The following NDST4 variants were observed in gnomAD, a reference collection of about 807,000 sequenced individuals.
The protein encoded by NDST4 is N-deacetylase and N-sulfotransferase 4, also known as N-heparan sulfate sulfotransferase 4.
A neutral mutation model predicts 100.8 loss-of-function variants in NDST4; 63 were observed. The ratio of observed to expected loss-of-function variants is 0.62; its 90% CI spans 0.51 to 0.77. The LOEUF (loss-of-function observed/expected upper bound fraction) is 0.77. Ranked by LOEUF, NDST4 falls within the 30% of genes least tolerant of loss-of-function variation. The pLI is 0.00. For missense variants in NDST4, 943 were observed against 1,018.4 expected (o/e 0.93, Z 1.01); for synonymous variants, 377 against 361.8 (o/e 1.04, Z -0.48).
rs374197902 is a variant in NDST4 at position 114,970,546 on chromosome 4, G to T, written c.1105C>A (p.Arg369=). ...AACCACCAGAACTCATCCACAGACC[G>T]AAGTAAAAGGTCATCTCCTTCATCT... is the stretch of plus-strand genomic sequence containing the variant. The part of the protein sequence containing the change: ...EEDEGDDLLL[R]SVDEFWWFPH... The change falls in exon 4 of 14, where the codon CGG becomes AGG. Residue 369 remains arginine, a synonymous_variant. Coordinates refer to ENST00000264363, the MANE Select transcript of NDST4 (RefSeq NM_022569.3). 1 of 1,613,826 alleles carries T rather than the reference G, an allele frequency of 6.2e-7. No individual in the cohort carries two copies. Among genetic ancestry groups the T allele is most frequent in the African/African-American group, 1.3e-5 (1 of 75,052 alleles).
At chr4:115,107,253 T>C (rs535558066) in intron 1 of NDST4, among the ~76,000 whole-genome samples, 2 of 152,254 alleles carry the variant, frequency 1.3e-5, no homozygotes, top group South Asian at 4.1e-4. Context: ...TTTACACACA[T>C]AATACTTCTT....
intron 4 of NDST4, among the ~76,000 whole-genome samples, chr4:114,966,770 G>A (rs1217272935): frequency 4.6e-5 from 7 of 152,034 alleles, no homozygotes; most frequent in Admixed American, 4.6e-4. Context: ...TTCCAAATTT[G>A]TGGACCGATG....
intron 6 of NDST4, among the ~76,000 whole-genome samples, chr4:114,934,622 T>C (rs923939093): frequency 6.8e-6 from 1 of 146,026 alleles, no homozygotes; most frequent in African/African-American, 2.5e-5. Flanking sequence ...ATCCAGAGAG[T>C]AGGATGCCAG....
At chr4:115,031,580 T>C (rs535783308) in intron 2 of NDST4, among the ~76,000 whole-genome samples, 1 of 152,202 alleles carries the variant, frequency 6.6e-6, no homozygotes, top group South Asian at 2.1e-4. Flanking sequence ...TCCTAAGAAA[T>C]CTTTCTCTAC....
intron 4 of NDST4, among the ~76,000 whole-genome samples, chr4:114,966,506 A>G (rs1054072762): frequency 3.3e-5 from 5 of 152,144 alleles, no homozygotes; most frequent in Admixed American, 6.5e-5. Context: ...TGAAATATCA[A>G]TATCAAGCTA....
intron 6 of NDST4, among the ~76,000 whole-genome samples, chr4:114,905,816 GT>G (rs1206073772): frequency 6.6e-6 from 1 of 151,950 alleles, no homozygotes; most frequent in Non-Finnish European, 1.5e-5. Context: ...TGTATCAGCT[GT>G]TTTTTACCTT....
intron 2 of NDST4, among the ~76,000 whole-genome samples, chr4:115,005,466 T>G (rs2583521): frequency 0.34 from 52,133 of 151,836 alleles, 9,070 homozygotes; most frequent in Middle Eastern, 0.49. Context: ...CACCAATATC[T>G]TGGGAAGAAA....
chr4:114,979,800 T>A (rs1055475085), intron 2 of NDST4, among the ~76,000 whole-genome samples: 1 of 151,916 alleles, frequency 6.6e-6, no homozygotes, highest in Non-Finnish European at 1.5e-5. Context: ...GTAGTCTGGA[T>A]TAATGAGGGA....
chr4:115,032,717 G>C (rs927464617), intron 2 of NDST4, among the ~76,000 whole-genome samples: 1 of 152,010 alleles, frequency 6.6e-6, no homozygotes, highest in Non-Finnish European at 1.5e-5. Context: ...ACTGTCTTCT[G>C]ACCAAAGCTT....
chr4:114,913,791 T>C (rs944065813), intron 6 of NDST4, among the ~76,000 whole-genome samples: 11 of 151,278 alleles, frequency 7.3e-5, no homozygotes, highest in African/African-American at 2.4e-4. Flanking sequence ...GTATAATGCA[T>C]ATGGCATAGT....
chr4:115,014,436 T>A (rs192059626), intron 2 of NDST4, among the ~76,000 whole-genome samples: 2 of 152,208 alleles, frequency 1.3e-5, no homozygotes, highest in African/African-American at 4.8e-5. Context: ...TAGGGGCTAA[T>A]GGTATTGGTC....
chr4:115,002,028 T>G (rs1207577575), intron 2 of NDST4, among the ~76,000 whole-genome samples: 1 of 152,206 alleles, frequency 6.6e-6, no homozygotes, highest in African/African-American at 2.4e-5. Context: ...AAAAGTTCTT[T>G]CTTCAAGTTA....
At chr4:114,992,818 T>G (rs1284069911) in intron 2 of NDST4, among the ~76,000 whole-genome samples, 1 of 151,888 alleles carries the variant, frequency 6.6e-6, no homozygotes, top group African/African-American at 2.4e-5. Flanking sequence ...ATCTCTGATC[T>G]AAACTCTAAA....
At position 114,889,145 on chromosome 4, in the gene NDST4, AG is replaced by A. The variant is rs541090351; in HGVS notation, c.1537-18196del. ...AAACCAAATTTTTATATTTTACAAA[AG>A]CACATGTGTTTGAGCAAAAGAAAAG... On this transcript the variant is annotated intron_variant, in intron 6 of 13. Coordinates refer to ENST00000264363, the MANE Select transcript of NDST4 (RefSeq NM_022569.3). Among the ~76,000 whole-genome samples, 8 of 152,294 alleles carry A rather than the reference AG, an allele frequency of 5.3e-5. No individual in the cohort carries two copies. In the East Asian group the frequency reaches 1.4e-3, roughly 26 times the overall value.
intron 4 of NDST4, among the ~76,000 whole-genome samples, chr4:114,964,574 C>T (rs974802567): frequency 1.3e-5 from 2 of 151,874 alleles, no homozygotes; most frequent in Non-Finnish European, 2.9e-5. Context: ...GTTCAATTTC[C>T]AAAAAATGTT....
intron 1 of NDST4, among the ~76,000 whole-genome samples, chr4:115,085,993 G>A (rs1278887207): frequency 6.6e-6 from 1 of 152,162 alleles, no homozygotes; most frequent in Admixed American, 6.6e-5. Flanking sequence ...ACCAATGTAA[G>A]ATTATTGCTT....
chr4:114,847,549 G>A (rs1723581567), intron 9 of NDST4, among the ~76,000 whole-genome samples: 1 of 151,984 alleles, frequency 6.6e-6, no homozygotes, highest in Admixed American at 6.6e-5. Flanking sequence ...ATTAAATTCA[G>A]GACCATGTTT....
intron 2 of NDST4, among the ~76,000 whole-genome samples, chr4:115,061,874 A>G (rs897726410): frequency 1.3e-5 from 2 of 152,096 alleles, no homozygotes; most frequent in African/African-American, 4.8e-5. Context: ...TTGAAATTGT[A>G]ATCTTTAAAT....
At chr4:115,030,890 A>G (rs1339474436) in intron 2 of NDST4, among the ~76,000 whole-genome samples, 2 of 152,116 alleles carry the variant, frequency 1.3e-5, no homozygotes, top group Non-Finnish European at 2.9e-5. Flanking sequence ...ATGGTAGTTA[A>G]TTCAGAAAAG....
Sources: allele counts gnomAD v4.1 joint callset (sites outside exome capture counted in the v4.1 genomes callset), GRCh38; gene constraint gnomAD v4.1.1; transcripts MANE v1.5; gene names NCBI Gene and HGNC (gene_info 2026-07-23, HGNC 2026-07-21).